The following ACSF3 variants were observed in gnomAD, a reference collection of about 807,000 sequenced individuals.
ACSF3 encodes the protein acyl-CoA synthetase family member 3, also known as malonate--CoA ligase ACSF3, mitochondrial.
Under a neutral mutation model 53.2 loss-of-function variants are expected in ACSF3, and 78 were observed. The ratio of observed to expected loss-of-function variants is 1.47; its 90% CI spans 1.22 to 1.77. The LOEUF (loss-of-function observed/expected upper bound fraction) is 1.77, where lower values mean the gene tolerates loss of function less well. Ranked by LOEUF, ACSF3 falls within the 40% of genes most tolerant of loss-of-function variation. ACSF3 has a pLI of 0.00. For missense variants in ACSF3, 937 were observed against 771.1 expected (o/e 1.22, Z -2.55); for synonymous variants, 414 against 333.1 (o/e 1.24, Z -2.65).
chr16:89,151,509 G>C (rs937093441), intron 10 of ACSF3: 3 of 267,122 alleles, frequency 1.1e-5, no homozygotes, highest in African/African-American at 6.7e-5. Context: ...ATTAAATCCA[G>C]TTAATGCACA....
chr16:89,151,784 T>C (rs893238642), intron 10 of ACSF3: 1 of 152,386 alleles, frequency 6.6e-6, no homozygotes, highest in Non-Finnish European at 1.5e-5. Context: ...TTTTTGTATT[T>C]TTATTAGAGA....
intron 4 of ACSF3, among the ~76,000 whole-genome samples, chr16:89,111,160 G>A (rs930552736): frequency 3.9e-5 from 6 of 152,334 alleles, no homozygotes; most frequent in African/African-American, 1.4e-4. Context: ...TCGGACGTTT[G>A]GATTTCCTGA....
chr16:89,112,727 C>G (rs1396741954), intron 5 of ACSF3, among the ~76,000 whole-genome samples: 1 of 152,182 alleles, frequency 6.6e-6, no homozygotes, highest in African/African-American at 2.4e-5. Context: ...TCTGCTCTCT[C>G]TCCTGTCCGT....
At position 89,155,195 on chromosome 16, in the gene ACSF3, A is replaced by G. The variant is rs532201871; in HGVS notation, c.*988A>G. ...AAGTTTCTGGACAATTTTCAGAAGA[A>G]TAGGCTGCCTCCTCCCCACAGCCTG... On this transcript the variant is annotated 3_prime_UTR_variant, in exon 11 of 11. Transcript: ENST00000614302. The G allele has an allele frequency of 1.1e-5, 5 of 454,020 alleles. No individual in the cohort carries two copies. Among genetic ancestry groups the G allele is most frequent in the Admixed American group, 9.4e-5 (4 of 42,564 alleles). 28.1% of individuals were successfully genotyped at this position (454,020 alleles called of 1,614,324 possible).
chr16:89,133,161 AG>A lies in ACSF3; in HGVS notation c.1270del (p.Glu424SerfsTer4), dbSNP rs775794698. 4 of 1,613,968 alleles carry A rather than the reference AG, an allele frequency of 2.5e-6. No individual in the cohort carries two copies. In the East Asian group the frequency reaches 8.9e-5, roughly 36 times the overall value. On this transcript the variant is annotated frameshift_variant, in exon 8 of 11. Transcript: ENST00000614302. LOFTEE classifies it high-confidence loss of function. ...TKVTPGFEEKEGELLVRGPSV... is the reference protein window; with the variant it reads ...TKVTPGFEEKXGELLVRGPSV... ...GTGACCCCAGGGTTTGAAGAAAAGG[AG>A]GGGGAGCTGCTGGTGAGGGGACCCT...
intron 8 of ACSF3, among the ~76,000 whole-genome samples, chr16:89,134,305 C>T (rs986602749): frequency 5.3e-5 from 8 of 152,078 alleles, no homozygotes; most frequent in African/African-American, 1.9e-4. Context: ...AGCCGTGGGC[C>T]ACAGAAAAGA....
At chr16:89,126,073 T>A (rs1212857136) in intron 7 of ACSF3, among the ~76,000 whole-genome samples, 52 of 42,242 alleles carry the variant, frequency 1.2e-3, no homozygotes, top group African/African-American at 4.5e-3. Flanking sequence ...CTCCATTTAC[T>A]TAGATCAGTG....
At chr16:89,135,195 C>T (rs1033336527) in intron 8 of ACSF3, among the ~76,000 whole-genome samples, 2 of 152,130 alleles carry the variant, frequency 1.3e-5, no homozygotes, top group African/African-American at 4.8e-5. Flanking sequence ...TCTGCTGGCC[C>T]AAAATCAGAA....
chr16:89,133,140 C>T lies in ACSF3; in HGVS notation c.1244C>T (p.Thr415Ile), dbSNP rs1187428804. The T allele has an allele frequency of 1.2e-6, 2 of 1,613,806 alleles. No homozygotes were observed. Among genetic ancestry groups the T allele is most frequent in the South Asian group, 2.2e-5 (2 of 91,076 alleles). Residue 415 changes from threonine to isoleucine, a missense_variant, in exon 8 of 11, where the codon ACC (threonine) becomes ATC (isoleucine). Coordinates refer to ENST00000614302, the MANE Select transcript of ACSF3 (RefSeq NM_001243279.3). ...AEGDERGTKV[T>I]PGFEEKEGEL... is the part of the protein sequence containing the mutation. ...CATGTTCTTCATCCTCCACAGGTGA[C>T]CCCAGGGTTTGAAGAAAAGGAGGGG...
intron 8 of ACSF3, 162 bp from the exon 9 acceptor site, chr16:89,145,105 A>C (rs1360575375): frequency 1.1e-5 from 17 of 1,571,768 alleles, no homozygotes; most frequent in Non-Finnish European, 1.2e-5. Context: ...TACCTGGCAT[A>C]GCTGTTTCTC....
Position 89,154,123 on chromosome 16 carries a change from G to A in ACSF3, c.1647G>A (p.Glu549=). Residue 549 remains glutamate (E), a synonymous_variant, in exon 11 of 11, where the codon GAG becomes GAA. Coordinates refer to ENST00000614302, the MANE Select transcript of ACSF3 (RefSeq NM_001243279.3). ...TGGCCCCGTACGCGGTGCCCTCGGAGCTGGTGCTGGTGGAGGAGATCCCGC... is the reference window on the plus strand; with the variant it reads ...TGGCCCCGTACGCGGTGCCCTCGGAACTGGTGCTGGTGGAGGAGATCCCGC... ...NVLAPYAVPS[E]LVLVEEIPRN... is the part of the protein sequence containing the mutation. 6.2e-7 allele frequency: 1 copy of A among 1,613,382 alleles called. No individual in the cohort carries two copies. Among genetic ancestry groups the A allele is most frequent in the Non-Finnish European group, 8.5e-7 (1 of 1,179,744 alleles).
chr16:89,121,768 C>T (rs1292311444), intron 7 of ACSF3, among the ~76,000 whole-genome samples: 2 of 152,202 alleles, frequency 1.3e-5, no homozygotes, highest in Non-Finnish European at 2.9e-5. Flanking sequence ...GCTGAGGGGC[C>T]GTGGGCCTTG....
In ACSF3 at chr16:89,145,583, C is replaced by T. The variant is rs540090680; in HGVS notation, c.1501+182C>T. Among the ~76,000 whole-genome samples, 4 of 152,324 alleles carry T rather than the reference C, an allele frequency of 2.6e-5. No homozygotes were observed. The South Asian group carries it at 6.2e-4, about 24-fold the overall frequency. On this transcript the variant is annotated intron_variant, in intron 9 of 10. Transcript: ENST00000614302. Reference sequence around the variant, plus strand: ...GGGGCTAGTGGGGGTGCAGCCTGCTCGGTGTTGGAGCCACTGACCCCGTGC... The same window carrying T: ...GGGGCTAGTGGGGGTGCAGCCTGCTTGGTGTTGGAGCCACTGACCCCGTGC...
intron 4 of ACSF3, among the ~76,000 whole-genome samples, chr16:89,103,268 C>T (rs530173107): frequency 6.6e-6 from 1 of 152,224 alleles, no homozygotes; most frequent in Admixed American, 6.5e-5. Context: ...AATGCTCACG[C>T]GCTTGGTTTA....
chr16:89,144,409 CA>C (rs1042173067), intron 8 of ACSF3, among the ~76,000 whole-genome samples: 5 of 152,336 alleles, frequency 3.3e-5, no homozygotes, highest in Non-Finnish European at 5.9e-5. Flanking sequence ...TGGGCACCAG[CA>C]GGAGGCTCCA....
At chr16:89,119,858 C>G (rs922451704) in intron 6 of ACSF3, among the ~76,000 whole-genome samples, 3 of 152,212 alleles carry the variant, frequency 2.0e-5, no homozygotes, top group African/African-American at 7.2e-5. Flanking sequence ...TTGCAGAGTT[C>G]ACTGCACTGA....
At chr16:89,136,057 C>T (rs1197484736) in intron 8 of ACSF3, among the ~76,000 whole-genome samples, 2 of 152,262 alleles carry the variant, frequency 1.3e-5, no homozygotes, top group Non-Finnish European at 2.9e-5. Context: ...TTGCAGGCGT[C>T]AGCCACTGCG....
chr16:89,102,286 C>G, intron 3 of ACSF3: 1 of 421,672 alleles, frequency 2.4e-6, no homozygotes, highest in South Asian at 2.1e-5. Flanking sequence ...GTCCCTGAGT[C>G]CCAGGCTTGG....
rs1976764124 is a variant in ACSF3, at chr16:89,112,169, G to A, written c.900G>A (p.Leu300=). The A allele has an allele frequency of 1.2e-6, 2 of 1,614,270 alleles. No individual in the cohort carries two copies. The highest frequency in any genetic ancestry group is 1.3e-5 in the African/African-American group (1 of 75,068). Reference sequence around the variant, plus strand: ...CAGTGCCTACAATATACACCAAGCTGATGGAGTACTACGACAGGCATTTTA... The same window carrying A: ...CAGTGCCTACAATATACACCAAGCTAATGGAGTACTACGACAGGCATTTTA... ...FMAVPTIYTK[L]MEYYDRHFTQ... is the part of the protein sequence containing the mutation. The change falls in exon 5 of 11, where the codon CTG becomes CTA. Residue 300 remains leucine, a synonymous_variant. Coordinates refer to ENST00000614302, the MANE Select transcript of ACSF3 (RefSeq NM_001243279.3).
Sources: allele counts gnomAD v4.1 joint callset (sites outside exome capture counted in the v4.1 genomes callset), GRCh38; gene constraint gnomAD v4.1.1; transcripts MANE v1.5; gene names NCBI Gene and HGNC (gene_info 2026-07-23, HGNC 2026-07-21).